ABCB5: variants seen among roughly 807,000 people sequenced by gnomAD.
ABCB5 encodes the protein ATP-binding cassette sub-family B member 5.
In ABCB5, 155 loss-of-function variants were observed where a neutral mutation model predicts 144.2. The ratio of observed to expected loss-of-function variants is 1.08; its 90% CI spans 0.94 to 1.23. ABCB5 has a LOEUF of 1.23. Ranked by LOEUF, ABCB5 falls within the 50% of genes most tolerant of loss-of-function variation. The pLI is 0.00. For missense variants in ABCB5, 1,830 were observed against 1,520.8 expected, an observed-to-expected ratio of 1.20 and a Z score of -3.38; for synonymous variants, 610 against 528.6, an observed-to-expected ratio of 1.15 and a Z score of -2.11.
chr7:20,640,396 T>C (rs945183993), intron 5 of ABCB5, among the ~76,000 whole-genome samples: 3 of 152,160 alleles, frequency 2.0e-5, no homozygotes, highest in Non-Finnish European at 4.4e-5. Context: ...TTGGTGATTC[T>C]TTAACATTGA....
intron 19 of ABCB5, among the ~76,000 whole-genome samples, chr7:20,702,441 A>T (rs1172477863): frequency 6.6e-6 from 1 of 152,128 alleles, no homozygotes; most frequent in African/African-American, 2.4e-5. Context: ...GAAACAGGTC[A>T]TGAAACTCAG....
intron 16 of ABCB5, among the ~76,000 whole-genome samples, chr7:20,689,892 G>T (rs988877505): frequency 6.6e-6 from 1 of 152,156 alleles, no homozygotes; most frequent in Non-Finnish European, 1.5e-5. Context: ...TCAGACAGGG[G>T]CACAGCAAGC....
intron 23 of ABCB5, among the ~76,000 whole-genome samples, chr7:20,731,369 A>AATATATATAT (rs1554289437): frequency 8.1e-6 from 1 of 123,104 alleles, no homozygotes; most frequent in Non-Finnish European, 1.6e-5. Flanking sequence ...AAAAAAAAAA[A>AATATATATAT]ATATATATAT....
At chr7:20,716,227 A>T (rs561892331) in intron 20 of ABCB5, among the ~76,000 whole-genome samples, 1 of 152,348 alleles carries the variant, frequency 6.6e-6, no homozygotes, top group East Asian at 1.9e-4. Flanking sequence ...TCAAAATATT[A>T]AAAGAAACTT....
intron 14 of ABCB5, among the ~76,000 whole-genome samples, chr7:20,681,016 T>C (rs796288731): frequency 9.8e-3 from 42 of 4,274 alleles, no homozygotes; most frequent in East Asian, 0.091. Flanking sequence ...CTTTCTTTCT[T>C]TCTTTCTTTC....
rs534881424 is a variant in ABCB5 at position 20,755,344 on chromosome 7, TA to T, written c.3577-82del. The T allele has an allele frequency of 1.3e-4, 158 of 1,228,390 alleles. 1 individual carries two copies. The East Asian group carries it at 3.1e-3, about 24-fold the overall frequency. 76.1% of individuals were successfully genotyped at this position (1,228,390 alleles called of 1,614,324 possible). A position where few individuals can be genotyped will look rare whatever the true frequency, so the allele number is the denominator to read the frequency against. ...AAGCAAATAAAGCAAAGAAGGTTAT[TA>T]GACTACCTTAATTGATTTGACTTAG... On this transcript the variant is annotated intron_variant, in intron 27 of 27. Coordinates refer to ENST00000404938, the MANE Select transcript of ABCB5 (RefSeq NM_001163941.2).
At chr7:20,677,347 T>C (rs1252824576) in intron 14 of ABCB5, among the ~76,000 whole-genome samples, 1 of 152,152 alleles carries the variant, frequency 6.6e-6, no homozygotes, top group African/African-American at 2.4e-5. Context: ...AGGATACAGA[T>C]TTAGAAGCTG....
intron 26 of ABCB5, among the ~76,000 whole-genome samples, chr7:20,749,574 A>G (rs1043272298): frequency 6.6e-6 from 1 of 151,816 alleles, no homozygotes; most frequent in Non-Finnish European, 1.5e-5. Context: ...ACACACAGCT[A>G]CTGAGCATTT....
Position 20,685,757 on chromosome 7 carries a change from A to G in ABCB5, c.1931A>G (p.Asn644Ser), listed in dbSNP as rs1562561802. ...SMTYSTERKT[N>S]SLPLHSVKSI... ...ACATATTCTACTGAAAGAAAGACCAACTCACTTCCTCTGCACTCTGTGAAG... is the reference window on the plus strand; with the variant it reads ...ACATATTCTACTGAAAGAAAGACCAGCTCACTTCCTCTGCACTCTGTGAAG... The change falls in exon 16 of 28, where the codon AAC becomes AGC. Residue 644 changes from asparagine to serine, a missense_variant. Asn to Ser is a conservative substitution (Grantham distance 46). Transcript: ENST00000404938. 2 of 1,613,422 alleles carry G rather than the reference A, an allele frequency of 1.2e-6. No homozygotes were observed. Among genetic ancestry groups the G allele is most frequent in the Non-Finnish European group, 1.7e-6 (2 of 1,179,584 alleles).
intron 14 of ABCB5, among the ~76,000 whole-genome samples, chr7:20,675,540 T>G (rs1017520411): frequency 3.9e-5 from 6 of 152,014 alleles, no homozygotes. Context: ...AAACTTAAAA[T>G]GAAACTGTAA....
chr7:20,727,794 A>G (rs1782084085), intron 22 of ABCB5, among the ~76,000 whole-genome samples: 1 of 152,226 alleles, frequency 6.6e-6, no homozygotes, highest in South Asian at 2.1e-4. Context: ...ACGAATATAT[A>G]CATAATAAAT....
At chr7:20,665,766 G>GGGAT (rs1554282412) in intron 14 of ABCB5, among the ~76,000 whole-genome samples, 1 of 131,318 alleles carries the variant, frequency 7.6e-6, no homozygotes, top group Non-Finnish European at 1.6e-5. Flanking sequence ...TAGATAGATA[G>GGGAT]AGATACATAC....
chr7:20,628,652 T>G, intron 3 of ABCB5, 36 bp from the exon 4 acceptor site: 1 of 1,596,448 alleles, frequency 6.3e-7, no homozygotes, highest in African/African-American at 1.3e-5. Context: ...TTGTTTGTTT[T>G]ACAGTTGTGG....
chr7:20,733,641 CT>C (rs869097054), intron 23 of ABCB5, among the ~76,000 whole-genome samples: 381 of 127,470 alleles, frequency 3.0e-3, no homozygotes, highest in Non-Finnish European at 3.2e-3. Context: ...CTTTTCTTTT[CT>C]TTTTTTTTTT....
chr7:20,728,868 A>C (rs34706780), intron 23 of ABCB5, among the ~76,000 whole-genome samples: 1 of 152,066 alleles, frequency 6.6e-6, no homozygotes, highest in Non-Finnish European at 1.5e-5. Context: ...TAAATCACAT[A>C]TGTGGAAAAG....
At chr7:20,727,218 T>G in intron 22 of ABCB5, 78 bp downstream of exon 22, 1 of 958,368 alleles carries the variant, frequency 1.0e-6, no homozygotes, top group Non-Finnish European at 1.6e-6. Context: ...CTCCAGTGGT[T>G]TGCCTGCTAA....
chr7:20,718,462 A>G (rs546982422), intron 20 of ABCB5, among the ~76,000 whole-genome samples: 117 of 152,282 alleles, frequency 7.7e-4, no homozygotes, highest in Non-Finnish European at 2.8e-4. Flanking sequence ...TCAGTATTTC[A>G]TAGTTTTTTG....
At chr7:20,747,576 T>C (rs1348002402) in intron 26 of ABCB5, among the ~76,000 whole-genome samples, 2 of 152,196 alleles carry the variant, frequency 1.3e-5, no homozygotes, top group Non-Finnish European at 2.9e-5. Context: ...TATTCTTAAA[T>C]TGTTTATTAT....
At chr7:20,711,778 C>CTCTTTCTTTCTTTCTTTCTT (rs1174731019) in intron 20 of ABCB5, among the ~76,000 whole-genome samples, 696 of 47,048 alleles carry the variant, frequency 0.015, 42 homozygotes, top group Middle Eastern at 0.047. Context: ...TTCCTTCTTT[C>CTCTTTCTTTCTTTCTTTCTT]TCTTTCTTTC....
Sources: gnomAD v4.1 joint callset for allele counts (sites outside exome capture counted in the v4.1 genomes callset) on GRCh38, gnomAD v4.1.1 for gene constraint, MANE v1.5 for transcripts, NCBI Gene and HGNC (gene_info 2026-07-23, HGNC 2026-07-21) for gene names.